PTPRG: variants seen among roughly 807,000 people sequenced by gnomAD.
The protein encoded by PTPRG is receptor-type tyrosine-protein phosphatase gamma.
Under a neutral mutation model 165.3 loss-of-function variants are expected in PTPRG, and 102 were observed. The ratio of observed to expected loss-of-function variants is 0.62; its 90% CI spans 0.53 to 0.73. PTPRG has a LOEUF of 0.73. PTPRG is among the 30% of genes least tolerant of loss of function. The probability of loss-of-function intolerance (pLI) is 0.00; values close to 1 mark genes in which losing one functional copy is unlikely to be tolerated. For synonymous variants in PTPRG, 675 were observed against 669.5 expected, an observed-to-expected ratio of 1.01 and a Z score of -0.13; for missense variants, 1,866 against 1,861.4, an observed-to-expected ratio of 1.00 and a Z score of -0.05.
chr3:61,605,019 T>C (rs2106856817), intron 1 of PTPRG, among the ~76,000 whole-genome samples: 1 of 152,304 alleles, frequency 6.6e-6, no homozygotes, highest in African/African-American at 2.4e-5. Context: ...CCAGGTCTCT[T>C]CGGACCTAAA....
chr3:62,069,901 C>T lies in PTPRG; in HGVS notation c.520-8262C>T, dbSNP rs1256330140. ...CTTCAGCTGATTGCATGAGACCCACCCACATTATAGAGGGTAATCAGCTTT... is the reference window on the plus strand; with the variant it reads ...CTTCAGCTGATTGCATGAGACCCACTCACATTATAGAGGGTAATCAGCTTT... On this transcript the variant is annotated intron_variant, in intron 4 of 29. Coordinates refer to ENST00000474889, the MANE Select transcript of PTPRG (RefSeq NM_002841.4). Among the ~76,000 whole-genome samples, 4 of 152,040 alleles carry T rather than the reference C, an allele frequency of 2.6e-5. 1 individual carries two copies. Among genetic ancestry groups the T allele is most frequent in the South Asian group, 2.1e-4 (1 of 4,820 alleles).
intron 2 of PTPRG, among the ~76,000 whole-genome samples, chr3:61,914,421 G>A (rs1405680942): frequency 2.0e-5 from 3 of 152,104 alleles, no homozygotes; most frequent in East Asian, 1.9e-4. Context: ...TGTGACTCCC[G>A]GCAATATTTG....
chr3:61,940,002 T>C (rs1393545752), intron 2 of PTPRG, among the ~76,000 whole-genome samples: 1 of 127,734 alleles, frequency 7.8e-6, no homozygotes, highest in East Asian at 2.7e-4. Context: ...TGGAGTACAG[T>C]GGCGACCTAT....
In PTPRG at chr3:61,562,069, C is replaced by T. The variant is rs1699769173; in HGVS notation, c.-219C>T. 1.7e-6 allele frequency: 1 copy of T among 574,696 alleles called. No individual in the cohort carries two copies. Among genetic ancestry groups the T allele is most frequent in the Admixed American group, 3.0e-5 (1 of 33,080 alleles). The allele number at this position is 574,696 out of a possible 1,614,324, so 35.6% of individuals were successfully genotyped here. A position where few individuals can be genotyped will look rare whatever the true frequency, so the allele number is the denominator to read the frequency against. ...CCTTTCTCCGCCGAGAGGATCGTCC[C>T]CAGCGTGGCTCTGCGTTCCCGGTCA... On this transcript the variant is annotated 5_prime_UTR_variant, in exon 1 of 30. Coordinates refer to ENST00000474889, the MANE Select transcript of PTPRG (RefSeq NM_002841.4).
At chr3:62,287,524 A>AGAT (rs1702712179) in intron 28 of PTPRG, among the ~76,000 whole-genome samples, 2 of 152,160 alleles carry the variant, frequency 1.3e-5, no homozygotes, top group Non-Finnish European at 2.9e-5. Flanking sequence ...AAAACTTAAA[A>AGAT]GATAGGATAC....
At chr3:62,232,418 A>G (rs539594661) in intron 14 of PTPRG, among the ~76,000 whole-genome samples, 1 of 152,336 alleles carries the variant, frequency 6.6e-6, no homozygotes, top group East Asian at 1.9e-4. Flanking sequence ...TAAGGATAGA[A>G]ACTGAAATAG....
At chr3:61,905,954 C>T (rs2107529900) in intron 2 of PTPRG, among the ~76,000 whole-genome samples, 1 of 152,250 alleles carries the variant, frequency 6.6e-6, no homozygotes, top group Admixed American at 6.5e-5. Flanking sequence ...AAAATATTCT[C>T]TTATGAAAGA....
At chr3:61,858,855 A>G (rs1209052366) in intron 2 of PTPRG, among the ~76,000 whole-genome samples, 1 of 152,236 alleles carries the variant, frequency 6.6e-6, no homozygotes, top group African/African-American at 2.4e-5. Flanking sequence ...TAGAGCTAGC[A>G]TAAGAGACTA....
At chr3:61,615,401 C>T (rs1285209285) in intron 1 of PTPRG, among the ~76,000 whole-genome samples, 3 of 152,188 alleles carry the variant, frequency 2.0e-5, no homozygotes, top group Non-Finnish European at 2.9e-5. Context: ...GAGGTTTCCT[C>T]GTGATTACGT....
At chr3:62,283,013 A>G in intron 28 of PTPRG, 144 bp downstream of exon 28, 1 of 723,806 alleles carries the variant, frequency 1.4e-6, no homozygotes, top group Non-Finnish European at 2.3e-6. Context: ...TACTGTGGAC[A>G]TGTACAAAGT....
chr3:62,288,047 T>G (rs1702736503), intron 28 of PTPRG, among the ~76,000 whole-genome samples: 1 of 150,834 alleles, frequency 6.6e-6, no homozygotes, highest in Non-Finnish European at 1.5e-5. Context: ...GCATCAAAGA[T>G]GTAACCAAAA....
At chr3:61,719,870 G>A (rs28646057) in intron 1 of PTPRG, among the ~76,000 whole-genome samples, 2 of 152,026 alleles carry the variant, frequency 1.3e-5, no homozygotes, top group Non-Finnish European at 2.9e-5. Context: ...CCCTTTCCTG[G>A]AACGTTCTTT....
At chr3:61,618,173 T>G (rs971240057) in intron 1 of PTPRG, among the ~76,000 whole-genome samples, 2 of 152,262 alleles carry the variant, frequency 1.3e-5, no homozygotes, top group African/African-American at 4.8e-5. Context: ...ATCAGCCATG[T>G]GCTATGTGAA....
chr3:62,162,132 C>G (rs549253242), intron 7 of PTPRG, among the ~76,000 whole-genome samples: 40 of 151,046 alleles, frequency 2.6e-4, no homozygotes, highest in Admixed American at 1.4e-4. Flanking sequence ...GACAGGAGCT[C>G]TCGCTACACA....
At chr3:61,890,856 A>G (rs1232339422) in intron 2 of PTPRG, among the ~76,000 whole-genome samples, 3 of 152,218 alleles carry the variant, frequency 2.0e-5, no homozygotes, top group East Asian at 1.9e-4. Context: ...GAAGCATTCT[A>G]CAAATAATGT....
At chr3:61,599,798 C>A (rs1700801194) in intron 1 of PTPRG, among the ~76,000 whole-genome samples, 1 of 152,070 alleles carries the variant, frequency 6.6e-6, no homozygotes, top group Non-Finnish European at 1.5e-5. Context: ...CTGGCTGATC[C>A]TGCATTCTTC....
At chr3:62,095,178 G>A (rs1485074069) in intron 5 of PTPRG, among the ~76,000 whole-genome samples, 2 of 152,150 alleles carry the variant, frequency 1.3e-5, no homozygotes, top group Non-Finnish European at 2.9e-5. Context: ...GAGAGAGCAC[G>A]GTGTACCATC....
Position 62,273,651 on chromosome 3 carries a change from TA to T in PTPRG, c.3319-45del, listed in dbSNP as rs764726275. On this transcript the variant is annotated intron_variant, in intron 22 of 29. Coordinates refer to ENST00000474889, the MANE Select transcript of PTPRG (RefSeq NM_002841.4). The surrounding 1 kb of genome is among the most constrained non-coding windows in gnomAD (Gnocchi z 4.1). ...AAGGTACACTTCATGAATGAGTGGC[TA>T]ACCCTTAACACTCCCTCAGTGACTA... 1.9e-6 allele frequency: 3 copies of T among 1,589,292 alleles called. No homozygotes were observed. The highest frequency in any genetic ancestry group is 2.6e-6 in the Non-Finnish European group (3 of 1,159,040).
chr3:62,147,392 T>C (rs975573248), intron 6 of PTPRG, among the ~76,000 whole-genome samples: 1 of 152,216 alleles, frequency 6.6e-6, no homozygotes, highest in African/African-American at 2.4e-5. Flanking sequence ...GCTCTAGACC[T>C]GGCTTCTACT....
Sources: allele counts gnomAD v4.1 joint callset (sites outside exome capture counted in the v4.1 genomes callset), GRCh38; gene constraint gnomAD v4.1.1; non-coding constraint Gnocchi (gnomAD v3.1); transcripts MANE v1.5; gene names NCBI Gene and HGNC (gene_info 2026-07-23, HGNC 2026-07-21).